ZNF654: variants seen among roughly 807,000 people sequenced by gnomAD.
ZNF654 encodes the protein melanoma-associated antigen.
ZNF654 carries 19 observed loss-of-function variants against 95.3 expected under a neutral mutation model. The observed-to-expected ratio is 0.20, with a 90% CI of 0.14 to 0.29. The LOEUF is 0.29. ZNF654 is among the 10% of genes least tolerant of loss of function. The pLI is 1.00. For missense variants in ZNF654, 1,046 were observed against 1,341.0 expected, an observed-to-expected ratio of 0.78 and a Z score of 3.44; for synonymous variants, 413 against 457.9, an observed-to-expected ratio of 0.90 and a Z score of 1.25.
chr3:88,067,550 G>A lies in ZNF654; in HGVS notation c.186+8045G>A, dbSNP rs542855166. 5.9e-5 allele frequency among the ~76,000 whole-genome samples: 9 copies of A among 152,348 alleles called. No individual in the cohort carries two copies. In the South Asian group the frequency reaches 1.7e-3, roughly 28 times the overall value. On this transcript the variant is annotated intron_variant, in intron 1 of 8. Transcript: ENST00000636215. ...TAAATGTCTCAGTAGGAAAGGATGA[G>A]TCTTCAAATAAAGTTTGAGAAGGAT... is the stretch of plus-strand genomic sequence containing the variant.
At chr3:88,080,893 G>A (rs771317226) in intron 1 of ZNF654, among the ~76,000 whole-genome samples, 1 of 152,302 alleles carries the variant, frequency 6.6e-6, no homozygotes, top group African/African-American at 2.4e-5. Context: ...GAACAGGAAA[G>A]TAACATTGGT....
At chr3:88,130,616 A>G (rs896480811) in intron 6 of ZNF654, among the ~76,000 whole-genome samples, 34 of 28,124 alleles carry the variant, frequency 1.2e-3, no homozygotes, top group Admixed American at 2.5e-3. Context: ...ATGCCCAGCT[A>G]ATTTTTTTTT....
At chr3:88,077,642 AC>A (rs1258971669) in intron 1 of ZNF654, among the ~76,000 whole-genome samples, 1 of 152,018 alleles carries the variant, frequency 6.6e-6, no homozygotes, top group African/African-American at 2.4e-5. Flanking sequence ...AGATAGGGAA[AC>A]CTTTTCAAAA....
chr3:88,136,103 A>G (rs1576350294), intron 7 of ZNF654, among the ~76,000 whole-genome samples: 1 of 152,276 alleles, frequency 6.6e-6, no homozygotes, highest in South Asian at 2.1e-4. Flanking sequence ...CTTCCAGCAA[A>G]AGAGGAAAAC....
At chr3:88,121,946 A>G (rs976222956) in intron 3 of ZNF654, among the ~76,000 whole-genome samples, 1 of 152,168 alleles carries the variant, frequency 6.6e-6, no homozygotes, top group Non-Finnish European at 1.5e-5. Context: ...AAAGTTACTT[A>G]TTATTGAGAA....
chr3:88,081,848 T>G (rs943688961), intron 1 of ZNF654, among the ~76,000 whole-genome samples: 40 of 152,224 alleles, frequency 2.6e-4, no homozygotes, highest in African/African-American at 9.6e-4. Context: ...TGTTTACTGT[T>G]GCTGTAGAGT....
chr3:88,075,401 C>G (rs1458115452), intron 1 of ZNF654, among the ~76,000 whole-genome samples: 2 of 152,190 alleles, frequency 1.3e-5, no homozygotes, highest in Admixed American at 1.3e-4. Context: ...CTTGAAAGTT[C>G]TAGGCCTATC....
At chr3:88,116,337 A>G (rs879283868) in intron 3 of ZNF654, among the ~76,000 whole-genome samples, 2 of 152,068 alleles carry the variant, frequency 1.3e-5, no homozygotes, top group Admixed American at 6.6e-5. Flanking sequence ...CCTGACCAAC[A>G]TGGAGAAAAC....
Position 88,140,536 on chromosome 3 carries a change from T to C in ZNF654, c.2867T>C (p.Ile956Thr). ...SDDTVSNISLIDQKMPDIEPN... is the reference protein window; with the variant it reads ...SDDTVSNISLTDQKMPDIEPN... ...GACACTGTTTCAAATATAAGCTTGA[T>C]AGACCAAAAGATGCCTGACATAGAG... Residue 956 changes from isoleucine to threonine, a missense_variant, in exon 8 of 9, where the codon ATA becomes ACA. This residue lies in a region of ZNF654 where 495 missense variants were observed against 537.0 expected (regional missense o/e 0.92). Coordinates refer to ENST00000636215, the MANE Select transcript of ZNF654 (RefSeq NM_001350134.2). 1 of 1,613,756 alleles carries C rather than the reference T, an allele frequency of 6.2e-7. No homozygotes were observed. The highest frequency in any genetic ancestry group is 8.5e-7 in the Non-Finnish European group (1 of 1,179,732).
chr3:88,064,389 C>T (rs1343848054), intron 1 of ZNF654, among the ~76,000 whole-genome samples: 1 of 152,120 alleles, frequency 6.6e-6, no homozygotes, highest in Admixed American at 6.5e-5. Context: ...TTGTTTATCC[C>T]TTTCCTTCCT....
rs2107663184 is a variant in ZNF654, at chr3:88,086,724, T to A, written c.332+322T>A. Among the ~76,000 whole-genome samples the A allele has an allele frequency of 3.3e-5, 5 of 152,332 alleles. No individual in the cohort carries two copies. In the Middle Eastern group the frequency reaches 0.014, roughly 415 times the overall value. ...ATACAGCAGTTTAGGCTATGATAGT[T>A]ACCAGAGAGACCTTAAATCAGGTCA... On this transcript the variant is annotated intron_variant, in intron 2 of 8. Transcript: ENST00000636215.
rs1707091893 is a variant in ZNF654, at chr3:88,140,964, A to T, written c.3295A>T (p.Thr1099Ser). Reference sequence around the variant, plus strand: ...ATTAAGATGTGGCAAATGCCTGACCACCTACTGTAATGCAGAAGCACTTGA... The same window carrying T: ...ATTAAGATGTGGCAAATGCCTGACCTCCTACTGTAATGCAGAAGCACTTGA... ...KRLRCGKCLTTYCNAEALEAH... is the reference protein window; with the variant it reads ...KRLRCGKCLTSYCNAEALEAH... The change falls in exon 8 of 9, where the codon ACC (threonine) becomes TCC (serine). Residue 1099 changes from threonine (T) to serine (S), a missense_variant. Physicochemically the swap from Thr to Ser is moderately conservative, Grantham distance 58. Transcript: ENST00000636215. The T allele has an allele frequency of 1.2e-6, 2 of 1,613,356 alleles. No individual in the cohort carries two copies. The highest frequency in any genetic ancestry group is 1.7e-6 in the Non-Finnish European group (2 of 1,179,550).
At chr3:88,097,982 C>G (rs998257090) in intron 2 of ZNF654, among the ~76,000 whole-genome samples, 6 of 152,056 alleles carry the variant, frequency 3.9e-5, no homozygotes, top group African/African-American at 1.4e-4. Context: ...TAACTAAGAT[C>G]AGAGCAGAAC....
At chr3:88,124,542 A>G (rs1242827267) in intron 3 of ZNF654, among the ~76,000 whole-genome samples, 2 of 152,228 alleles carry the variant, frequency 1.3e-5, no homozygotes, top group African/African-American at 4.8e-5. Flanking sequence ...TCACTTTATA[A>G]TCTCAGCAAA....
intron 7 of ZNF654, 109 bp from the exon 8 acceptor site, chr3:88,138,596 A>T: frequency 1.7e-6 from 1 of 581,906 alleles, no homozygotes; most frequent in Non-Finnish European, 2.5e-6. Context: ...ACATTGGAAT[A>T]CTATGTTTAT....
At chr3:88,080,661 C>T (rs1295197473) in intron 1 of ZNF654, among the ~76,000 whole-genome samples, 1 of 152,052 alleles carries the variant, frequency 6.6e-6, no homozygotes, top group East Asian at 1.9e-4. Context: ...TTCCATCTGA[C>T]TCTTAACCAT....
intron 1 of ZNF654, among the ~76,000 whole-genome samples, chr3:88,079,822 G>T (rs1209958628): frequency 6.6e-6 from 1 of 152,082 alleles, no homozygotes; most frequent in Non-Finnish European, 1.5e-5. Context: ...TTAAGGAGTA[G>T]TGAGTTGAAC....
At chr3:88,126,404 A>G in intron 4 of ZNF654, 135 bp downstream of exon 4, 2 of 1,037,728 alleles carry the variant, frequency 1.9e-6, no homozygotes, top group Non-Finnish European at 2.5e-6. Flanking sequence ...TTTCACATGA[A>G]AAGTGTTTGT....
rs147411352 is a variant in ZNF654, at chr3:88,113,291, A to C, written c.414+95A>C. 152 of 700,462 alleles carry C rather than the reference A, an allele frequency of 2.2e-4. 1 individual carries two copies. In the African/African-American group the frequency reaches 2.2e-3, roughly 10 times the overall value. 43.4% of individuals were successfully genotyped at this position (700,462 alleles called of 1,614,324 possible). Reference sequence around the variant, plus strand: ...AGCTTATTGGTTATTATTGCTTATAAGTTTTTAATGATTGCTAAGGTGACA... The same window carrying C: ...AGCTTATTGGTTATTATTGCTTATACGTTTTTAATGATTGCTAAGGTGACA... On this transcript the variant is annotated intron_variant, in intron 3 of 8. Transcript: ENST00000636215.
Sources: allele counts gnomAD v4.1 joint callset (sites outside exome capture counted in the v4.1 genomes callset), GRCh38; gene constraint gnomAD v4.1.1; regional missense constraint gnomAD v4.1.1; transcripts MANE v1.5; gene names NCBI Gene and HGNC (gene_info 2026-07-23, HGNC 2026-07-21).